The following CDH12 variants were observed in gnomAD, a reference collection of about 807,000 sequenced individuals.
The protein encoded by CDH12 is cadherin 12, also known as cadherin-12.
Under a neutral mutation model 74.1 loss-of-function variants are expected in CDH12, and 41 were observed. That is an observed-to-expected ratio of 0.55 (90% CI 0.43 to 0.72). CDH12 has a LOEUF of 0.72. Ranked by LOEUF, CDH12 falls within the 30% of genes least tolerant of loss-of-function variation. The probability of loss-of-function intolerance (pLI) is 0.00; values close to 1 mark genes in which losing one functional copy is unlikely to be tolerated. For missense variants in CDH12, 945 were observed against 977.2 expected (o/e 0.97, Z 0.44); for synonymous variants, 399 against 355.0 (o/e 1.12, Z -1.39).
intron 4 of CDH12, among the ~76,000 whole-genome samples, chr5:22,122,884 C>T (rs1745608087): frequency 6.6e-6 from 1 of 152,186 alleles, no homozygotes; most frequent in Non-Finnish European, 1.5e-5. Flanking sequence ...TTTGAGTTTA[C>T]CAGCCTTTGG....
chr5:21,803,008 T>C (rs9292994), intron 9 of CDH12, among the ~76,000 whole-genome samples: 1 of 152,130 alleles, frequency 6.6e-6, no homozygotes, highest in African/African-American at 2.4e-5. Context: ...CTTAATCATT[T>C]TATATGAGCA....
At chr5:22,103,336 T>TG (rs60640766) in intron 4 of CDH12, among the ~76,000 whole-genome samples, 73,942 of 151,892 alleles carry the variant, frequency 0.49, 18,210 homozygotes, top group Middle Eastern at 0.54. Flanking sequence ...AACATTGAAC[T>TG]TAAGACCTGA....
chr5:22,075,590 A>G (rs143587619), intron 5 of CDH12, among the ~76,000 whole-genome samples: 131 of 152,256 alleles, frequency 8.6e-4, no homozygotes, highest in African/African-American at 3.0e-3. Flanking sequence ...TCTATAATAC[A>G]TATATACATA....
chr5:22,485,889 G>A (rs1037884881), intron 2 of CDH12, among the ~76,000 whole-genome samples: 5 of 152,174 alleles, frequency 3.3e-5, no homozygotes, highest in Non-Finnish European at 7.3e-5. Context: ...TATTTTGCTA[G>A]GAGGATATCA....
intron 1 of CDH12, among the ~76,000 whole-genome samples, chr5:22,851,665 T>A (rs961793339): frequency 1.3e-5 from 2 of 152,170 alleles, no homozygotes; most frequent in African/African-American, 4.8e-5. Context: ...CATGTGGCTA[T>A]CCACTCAACC....
At chr5:22,113,487 C>T (rs1377387727) in intron 4 of CDH12, among the ~76,000 whole-genome samples, 1 of 152,086 alleles carries the variant, frequency 6.6e-6, no homozygotes, top group African/African-American at 2.4e-5. Flanking sequence ...AGTTATCAAT[C>T]AGAAAATGTT....
rs116596344 is a variant in CDH12 at position 21,767,505 on chromosome 5, G to C, written c.1394-2406C>G. Among the ~76,000 whole-genome samples, 796 of 151,254 alleles carry C rather than the reference G, an allele frequency of 5.3e-3. 6 individuals are homozygous for C. Among genetic ancestry groups the C allele is most frequent in the African/African-American group, 0.018 (742 of 41,358 alleles). The stretch of plus-strand genomic sequence containing the variant: ...ACAGTGTTTCCCCAAAAGTACTATT[G>C]GCATTTTAGCTATGACAATGTTTTG... On this transcript the variant is annotated intron_variant, in intron 11 of 14. Coordinates refer to ENST00000382254, the MANE Select transcript of CDH12 (RefSeq NM_004061.5).
At chr5:22,291,136 G>A (rs567954028) in intron 3 of CDH12, among the ~76,000 whole-genome samples, 1 of 152,178 alleles carries the variant, frequency 6.6e-6, no homozygotes, top group East Asian at 1.9e-4. Flanking sequence ...TATTTCAATA[G>A]GAGCAGAAAA....
At chr5:22,379,542 AC>A (rs1741672375) in intron 3 of CDH12, among the ~76,000 whole-genome samples, 1 of 152,172 alleles carries the variant, frequency 6.6e-6, no homozygotes, top group Non-Finnish European at 1.5e-5. Flanking sequence ...GAGAAAGATT[AC>A]TAAAGCCAAT....
intron 3 of CDH12, among the ~76,000 whole-genome samples, chr5:22,223,151 G>T (rs1438055007): frequency 1.3e-5 from 2 of 151,876 alleles, no homozygotes; most frequent in Non-Finnish European, 2.9e-5. Flanking sequence ...GAAGAGTTAG[G>T]GAAATAGGCT....
At chr5:22,401,963 T>C (rs1742747657) in intron 3 of CDH12, among the ~76,000 whole-genome samples, 1 of 152,200 alleles carries the variant, frequency 6.6e-6, no homozygotes, top group Admixed American at 6.5e-5. Flanking sequence ...ACAGACTCTC[T>C]GAGCCTCCAA....
chr5:22,470,947 T>G (rs1455767941), intron 2 of CDH12, among the ~76,000 whole-genome samples: 1 of 151,752 alleles, frequency 6.6e-6, no homozygotes, highest in African/African-American at 2.4e-5. Flanking sequence ...ACAATGATCA[T>G]GGTGAATATT....
At chr5:22,356,871 A>G (rs529778879) in intron 3 of CDH12, among the ~76,000 whole-genome samples, 2 of 152,158 alleles carry the variant, frequency 1.3e-5, no homozygotes, top group Non-Finnish European at 2.9e-5. Flanking sequence ...CTGAGAAAAA[A>G]GTTTGCTATG....
chr5:22,748,430 T>A (rs1404312015), intron 1 of CDH12, among the ~76,000 whole-genome samples: 1 of 150,852 alleles, frequency 6.6e-6, no homozygotes, highest in African/African-American at 2.4e-5. Context: ...GAGACATGAG[T>A]GAATAAGGAA....
chr5:22,424,905 T>TAAA (rs1395935071), intron 2 of CDH12, among the ~76,000 whole-genome samples: 1 of 151,842 alleles, frequency 6.6e-6, no homozygotes, highest in Non-Finnish European at 1.5e-5. Flanking sequence ...AGATATGACA[T>TAAA]AAAAATGAAC....
In CDH12 at chr5:22,095,536, C is replaced by T. The variant is rs114947889; in HGVS notation, c.-186-16674G>A. On this transcript the variant is annotated intron_variant, in intron 4 of 14. Transcript: ENST00000382254. ...CGGCAAGTACTGCTTTTCTGGGAGGCAAGAACACTCCAACTCCTTCTCTCC... is the reference window on the plus strand; with the variant it reads ...CGGCAAGTACTGCTTTTCTGGGAGGTAAGAACACTCCAACTCCTTCTCTCC... Among the ~76,000 whole-genome samples, 1,289 of 152,082 alleles carry T rather than the reference C, an allele frequency of 8.5e-3. 6 individuals are homozygous for T. The highest frequency in any genetic ancestry group is 0.014 in the Non-Finnish European group (944 of 67,968).
chr5:22,593,941 T>G (rs1736471280), intron 1 of CDH12, among the ~76,000 whole-genome samples: 1 of 152,212 alleles, frequency 6.6e-6, no homozygotes, highest in Admixed American at 6.5e-5. Context: ...AATAACTGAT[T>G]ATCTATATAT....
chr5:21,909,084 CT>C (rs898451475), intron 6 of CDH12, among the ~76,000 whole-genome samples: 1 of 152,112 alleles, frequency 6.6e-6, no homozygotes, highest in African/African-American at 2.4e-5. Flanking sequence ...AAAAGTTCCT[CT>C]TCCATTGTTT....
intron 1 of CDH12, among the ~76,000 whole-genome samples, chr5:22,693,911 T>A (rs1047697761): frequency 2.0e-5 from 3 of 152,044 alleles, no homozygotes; most frequent in Non-Finnish European, 4.4e-5. Flanking sequence ...TTTAGTTATT[T>A]CATCAATTTA....
Sources: allele counts gnomAD v4.1 joint callset (sites outside exome capture counted in the v4.1 genomes callset), GRCh38; gene constraint gnomAD v4.1.1; transcripts MANE v1.5; gene names NCBI Gene and HGNC (gene_info 2026-07-23, HGNC 2026-07-21).